FRMPD4: variants seen among roughly 807,000 people sequenced by gnomAD.
FRMPD4 encodes FERM and PDZ domain-containing protein 4.
In FRMPD4, 22 loss-of-function variants were observed where a neutral mutation model predicts 94.1. The observed-to-expected ratio is 0.23, with a 90% CI of 0.17 to 0.33. The LOEUF (loss-of-function observed/expected upper bound fraction) is 0.33. Among genes scored for constraint, FRMPD4 ranks in the 10% least tolerant of loss-of-function variants. The pLI, the probability that FRMPD4 is intolerant of heterozygous loss-of-function variation, is 1.00. For missense variants in FRMPD4, 1,111 were observed against 1,339.9 expected (o/e 0.83, Z 2.67); for synonymous variants, 631 against 548.6 (o/e 1.15, Z -2.10).
intron 1 of FRMPD4, among the ~76,000 whole-genome samples, chrX:12,376,994 A>C (rs369206148): frequency 9.0e-6 from 1 of 111,525 alleles, no homozygotes; most frequent in African/African-American, 3.3e-5. Flanking sequence ...GTCTCAGTCA[A>C]CCTCAGTCAT....
chrX:12,703,901 G>T (rs182263531), intron 10 of FRMPD4, among the ~76,000 whole-genome samples: 53 of 111,900 alleles, frequency 4.7e-4, no homozygotes, highest in African/African-American at 1.6e-3. Context: ...GAGGAGGGGA[G>T]GGACAGGGAA....
chrX:12,191,461 A>G (rs2056491433), intron 1 of FRMPD4, among the ~76,000 whole-genome samples: 1 of 112,389 alleles, frequency 8.9e-6, no homozygotes, highest in Non-Finnish European at 1.9e-5. Flanking sequence ...TTATAGAAAC[A>G]TTATTTATAA....
intron 1 of FRMPD4, among the ~76,000 whole-genome samples, chrX:12,390,689 C>A (rs1303525570): frequency 2.7e-5 from 3 of 111,762 alleles, no homozygotes; most frequent in Non-Finnish European, 5.6e-5. Context: ...GACACAAAAT[C>A]TGACATTACC....
chrX:12,251,467 A>G (rs920878097), intron 1 of FRMPD4, among the ~76,000 whole-genome samples: 3 of 111,854 alleles, frequency 2.7e-5, no homozygotes, highest in East Asian at 2.8e-4. Flanking sequence ...GTGCTGGAAC[A>G]TGGAGGCCGA....
intron 4 of FRMPD4, among the ~76,000 whole-genome samples, chrX:12,658,384 G>C (rs999786253): frequency 1.8e-5 from 2 of 112,104 alleles, no homozygotes; most frequent in East Asian, 5.6e-4. Flanking sequence ...ATGCATAGAG[G>C]CAGGAAAGAA....
intron 3 of FRMPD4, among the ~76,000 whole-genome samples, chrX:12,064,847 A>T (rs907369320): frequency 1.8e-5 from 2 of 112,302 alleles, no homozygotes; most frequent in Non-Finnish European, 3.8e-5. Context: ...GGATTAATAT[A>T]ACAGTTTTTA....
intron 1 of FRMPD4, among the ~76,000 whole-genome samples, chrX:11,852,803 A>G: frequency 8.9e-6 from 1 of 111,758 alleles, no homozygotes; most frequent in Non-Finnish European, 1.9e-5. Context: ...CTACACAATA[A>G]TAGAGGGGGA....
At chrX:12,084,106 C>A (rs897920405) in intron 3 of FRMPD4, among the ~76,000 whole-genome samples, 3 of 100,434 alleles carry the variant, frequency 3.0e-5, no homozygotes, top group Admixed American at 2.4e-4. Context: ...TATGGTTTGG[C>A]TGTGTCCCCA....
rs775511917 is a variant in FRMPD4 at position 12,449,805 on chromosome X, T to C, written c.42-48875T>C. 2.5e-3 allele frequency among the ~76,000 whole-genome samples: 274 copies of C among 110,677 alleles called. 1 individual carries two copies. The highest frequency in any genetic ancestry group is 8.4e-3 in the African/African-American group (256 of 30,430). The stretch of plus-strand genomic sequence containing the variant: ...GAGTTTGAGATCAGCCTTGGCAACA[T>C]AGGGAGACCACCATCTCTATTAAAA... On this transcript the variant is annotated intron_variant, in intron 1 of 16. Transcript: ENST00000675598.
intron 1 of FRMPD4, among the ~76,000 whole-genome samples, chrX:12,274,925 C>T (rs780818817): frequency 3.6e-5 from 4 of 112,044 alleles, no homozygotes; most frequent in African/African-American, 9.7e-5. Context: ...AGGAGAATGG[C>T]GTGAACCCGG....
chrX:12,568,566 T>C (rs1014247547), intron 2 of FRMPD4, among the ~76,000 whole-genome samples: 2 of 112,410 alleles, frequency 1.8e-5, no homozygotes, highest in Non-Finnish European at 3.8e-5. Context: ...AAACTTTTTA[T>C]GTCATTAAAA....
intron 3 of FRMPD4, among the ~76,000 whole-genome samples, chrX:12,048,946 T>A (rs2054801259): frequency 5.4e-5 from 6 of 111,874 alleles, no homozygotes; most frequent in Admixed American, 3.8e-4. Flanking sequence ...TTCTTTTTGC[T>A]TAGGATTGCT....
chrX:12,680,929 G>A (rs775412712), intron 5 of FRMPD4, among the ~76,000 whole-genome samples: 127 of 110,929 alleles, frequency 1.1e-3, no homozygotes, highest in African/African-American at 3.9e-3. Flanking sequence ...ACGTATTTTC[G>A]TGATCCCTGG....
intron 1 of FRMPD4, among the ~76,000 whole-genome samples, chrX:11,851,062 C>T (rs1019799597): frequency 3.6e-5 from 4 of 111,632 alleles, no homozygotes; most frequent in African/African-American, 9.8e-5. Context: ...TACCCTGCCC[C>T]GGTTGAACTA....
In FRMPD4 at chrX:12,483,331, T is replaced by C. The variant is rs543573257; in HGVS notation, c.42-15349T>C. 3.0e-4 allele frequency among the ~76,000 whole-genome samples: 34 copies of C among 112,011 alleles called. 1 individual carries two copies. The South Asian group carries it at 0.01, about 34-fold the overall frequency. ...GGAGGTCAGCATTTTAAAGGATGGG[T>C]AGCCAATGTCATTTACTCTAGAGGG... On this transcript the variant is annotated intron_variant, in intron 1 of 16. Transcript: ENST00000675598.
intron 1 of FRMPD4, among the ~76,000 whole-genome samples, chrX:11,845,481 A>G (rs1371829034): frequency 3.6e-5 from 4 of 110,198 alleles, no homozygotes; most frequent in African/African-American, 1.3e-4. Flanking sequence ...TCCTTCTGAA[A>G]CTATTCCAAT....
At chrX:12,426,288 G>A (rs1306105049) in intron 1 of FRMPD4, among the ~76,000 whole-genome samples, 1 of 110,994 alleles carries the variant, frequency 9.0e-6, no homozygotes, top group Non-Finnish European at 1.9e-5. Flanking sequence ...CTGATTGCCT[G>A]TGAAGAAGAT....
intron 1 of FRMPD4, among the ~76,000 whole-genome samples, chrX:11,850,914 C>T (rs1386240267): frequency 8.9e-6 from 1 of 112,234 alleles, no homozygotes; most frequent in Admixed American, 9.5e-5. Flanking sequence ...CTTAACACTA[C>T]TGAACTGTAC....
intron 1 of FRMPD4, among the ~76,000 whole-genome samples, chrX:12,472,002 A>G (rs1265437012): frequency 8.9e-6 from 1 of 112,797 alleles, no homozygotes; most frequent in Non-Finnish European, 1.9e-5. Flanking sequence ...TTAGCCACAG[A>G]ATTGCACTGT....
Sources: allele counts gnomAD v4.1 joint callset (sites outside exome capture counted in the v4.1 genomes callset), GRCh38; gene constraint gnomAD v4.1.1; transcripts MANE v1.5; gene names NCBI Gene and HGNC (gene_info 2026-07-23, HGNC 2026-07-21).